CYP39A1: variants seen among roughly 807,000 people sequenced by gnomAD.
CYP39A1 encodes the protein 24-hydroxycholesterol 7-alpha-hydroxylase.
CYP39A1 carries 49 observed loss-of-function variants against 58.1 expected under a neutral mutation model. The ratio of observed to expected loss-of-function variants is 0.84; its 90% CI spans 0.67 to 1.07. The LOEUF (loss-of-function observed/expected upper bound fraction) is 1.07, where lower values mean the gene tolerates loss of function less well. Ranked by LOEUF, CYP39A1 falls within the 50% of genes least tolerant of loss-of-function variation. CYP39A1 has a pLI of 0.00. For synonymous variants in CYP39A1, 209 were observed against 187.6 expected, an observed-to-expected ratio of 1.11 and a Z score of -0.93; for missense variants, 531 against 539.4, an observed-to-expected ratio of 0.98 and a Z score of 0.16.
At chr6:46,627,675 C>T (rs1386735827) in intron 6 of CYP39A1, among the ~76,000 whole-genome samples, 2 of 152,054 alleles carry the variant, frequency 1.3e-5, no homozygotes, top group Non-Finnish European at 2.9e-5. Flanking sequence ...GCCTCAGCCT[C>T]CCGAAGTGCT....
chr6:46,632,134 T>C (rs1775699622), intron 5 of CYP39A1, among the ~76,000 whole-genome samples: 1 of 152,182 alleles, frequency 6.6e-6, no homozygotes, highest in Admixed American at 6.5e-5. Context: ...GATGTTTACT[T>C]GAGAATAGAG....
At chr6:46,593,199 C>G (rs1772947051) in intron 8 of CYP39A1, among the ~76,000 whole-genome samples, 1 of 152,064 alleles carries the variant, frequency 6.6e-6, no homozygotes, top group African/African-American at 2.4e-5. Flanking sequence ...TGCGGTAGTA[C>G]ATTTAAGAGG....
rs200420262 is a variant in CYP39A1 at position 46,569,775 on chromosome 6, A to AT, written c.1251-15922dup. Reference sequence around the variant, plus strand: ...TTTGCTGTTGAATACAGGTGCTAGTATTTTTTTTTGTAGAAGCTTTGCATT... The same window carrying AT: ...TTTGCTGTTGAATACAGGTGCTAGTATTTTTTTTTTGTAGAAGCTTTGCATT... On this transcript the variant is annotated intron_variant, in intron 10 of 11. Coordinates refer to ENST00000275016, the MANE Select transcript of CYP39A1 (RefSeq NM_016593.5). 5.4e-4 allele frequency among the ~76,000 whole-genome samples: 81 copies of AT among 150,962 alleles called. 1 individual carries two copies. The highest frequency in any genetic ancestry group is 3.4e-3 in the Middle Eastern group (1 of 294).
intron 10 of CYP39A1, among the ~76,000 whole-genome samples, chr6:46,575,484 G>A (rs1296319456): frequency 2.0e-5 from 3 of 152,288 alleles, no homozygotes; most frequent in East Asian, 3.9e-4. Context: ...TGGCCACCAC[G>A]AGTTGTTTCA....
chr6:46,629,307 T>G (rs1775509102), intron 6 of CYP39A1, among the ~76,000 whole-genome samples: 1 of 152,244 alleles, frequency 6.6e-6, no homozygotes, highest in African/African-American at 2.4e-5. Context: ...GGGGGATGTT[T>G]CTAACAAGAT....
At chr6:46,579,337 T>G (rs1772003501) in intron 10 of CYP39A1, among the ~76,000 whole-genome samples, 1 of 152,002 alleles carries the variant, frequency 6.6e-6, no homozygotes, top group South Asian at 2.1e-4. Context: ...CTCAACAAAC[T>G]AGGCATAGGA....
At chr6:46,564,101 A>G (rs1047612428) in intron 10 of CYP39A1, among the ~76,000 whole-genome samples, 1 of 140,534 alleles carries the variant, frequency 7.1e-6, no homozygotes, top group Non-Finnish European at 1.5e-5. Flanking sequence ...TTTATTTTGT[A>G]TTTTTTTTAT....
chr6:46,586,344 T>C, intron 10 of CYP39A1: 5 of 984,622 alleles, frequency 5.1e-6, no homozygotes, highest in Non-Finnish European at 6.0e-6. Context: ...TACTGACATT[T>C]CCCCTACAGA....
intron 1 of CYP39A1, among the ~76,000 whole-genome samples, chr6:46,643,977 G>A (rs779328235): frequency 2.4e-4 from 37 of 152,118 alleles, no homozygotes; most frequent in Non-Finnish European, 3.2e-4. Flanking sequence ...AAGAGCCTAC[G>A]TATCCATTAC....
intron 8 of CYP39A1, among the ~76,000 whole-genome samples, chr6:46,593,687 T>C (rs1312680713): frequency 6.6e-6 from 1 of 152,140 alleles, no homozygotes; most frequent in East Asian, 1.9e-4. Context: ...TCAAGCTGCA[T>C]ATAAAAAAGC....
At chr6:46,624,163 C>A (rs558676668) in intron 7 of CYP39A1, among the ~76,000 whole-genome samples, 1 of 152,138 alleles carries the variant, frequency 6.6e-6, no homozygotes, top group African/African-American at 2.4e-5. Flanking sequence ...GGACCCCCCA[C>A]GTTATCCCCA....
Position 46,587,907 on chromosome 6 carries a change from T to A in CYP39A1, c.1161+127A>T, listed in dbSNP as rs918763630. 2.1e-5 allele frequency: 11 copies of A among 523,360 alleles called. No individual in the cohort carries two copies. In the South Asian group the frequency reaches 3.9e-4, roughly 19 times the overall value. 32.4% of individuals were successfully genotyped at this position (523,360 alleles called of 1,614,324 possible). On this transcript the variant is annotated intron_variant, in intron 9 of 11. Transcript: ENST00000275016. ...TCTGTTCTGTACTTTGTAGTCAACT[T>A]TGTTCTTAGTTACGAGAGAAATATG...
At chr6:46,553,490 G>A (rs1313429036) in intron 11 of CYP39A1, among the ~76,000 whole-genome samples, 3 of 152,186 alleles carry the variant, frequency 2.0e-5, no homozygotes, top group African/African-American at 7.2e-5. Context: ...AGAGAAAAGT[G>A]TTCAAATTGG....
chr6:46,612,089 T>C (rs1463928262), intron 7 of CYP39A1, among the ~76,000 whole-genome samples: 4 of 152,276 alleles, frequency 2.6e-5, no homozygotes, highest in African/African-American at 4.8e-5. Flanking sequence ...TCCAAGCTTA[T>C]AAATATGAAC....
At chr6:46,582,694 T>C (rs1304888648) in intron 10 of CYP39A1, among the ~76,000 whole-genome samples, 2 of 152,044 alleles carry the variant, frequency 1.3e-5, no homozygotes, top group African/African-American at 4.8e-5. Context: ...TAGGGCTTTT[T>C]TTTTTCATAT....
chr6:46,651,844 C>T (rs1285094636), intron 1 of CYP39A1, among the ~76,000 whole-genome samples: 1 of 152,120 alleles, frequency 6.6e-6, no homozygotes, highest in Non-Finnish European at 1.5e-5. Flanking sequence ...CCTTAAAGTG[C>T]TCAGACATTT....
At chr6:46,561,211 T>C (rs1482032085) in intron 10 of CYP39A1, among the ~76,000 whole-genome samples, 3 of 152,124 alleles carry the variant, frequency 2.0e-5, no homozygotes, top group Non-Finnish European at 4.4e-5. Context: ...TATAGAACAG[T>C]TTTGTAGGTT....
chr6:46,642,577 A>C (rs551206873), intron 1 of CYP39A1, among the ~76,000 whole-genome samples: 1 of 152,258 alleles, frequency 6.6e-6, no homozygotes, highest in South Asian at 2.1e-4. Context: ...AATAATTATA[A>C]ATAATTAGAA....
rs1775851533 is a variant in CYP39A1 at position 46,634,517 on chromosome 6, C to CTTTTTGTTTTTTTTTTTTT, written c.732+1871_732+1872insAAAAAAAAAAAAACAAAAA. Among the ~76,000 whole-genome samples the CTTTTTGTTTTTTTTTTTTT allele has an allele frequency of 1.7e-5, 2 of 120,552 alleles. 1 individual carries two copies. The highest frequency in any genetic ancestry group is 6.3e-5 in the African/African-American group (2 of 31,512). 79.1% of individuals were successfully genotyped at this position (120,552 alleles called of 152,430 possible). A position where few individuals can be genotyped will look rare whatever the true frequency, so the allele number is the denominator to read the frequency against. On this transcript the variant is annotated intron_variant, in intron 5 of 11. Coordinates refer to ENST00000275016, the MANE Select transcript of CYP39A1 (RefSeq NM_016593.5). ...TGGTAGGGAATTTTACTTTTTTTTT[C>CTTTTTGTTTTTTTTTTTTT]TTTTTGCTTTTTTTTTTTTTTTGAG...
Sources: allele counts gnomAD v4.1 joint callset (sites outside exome capture counted in the v4.1 genomes callset), GRCh38; gene constraint gnomAD v4.1.1; transcripts MANE v1.5; gene names NCBI Gene and HGNC (gene_info 2026-07-23, HGNC 2026-07-21).